WARS2: variants seen among roughly 807,000 people sequenced by gnomAD.
The protein encoded by WARS2 is tryptophanyl tRNA synthetase 2, mitochondrial, also known as tryptophan--tRNA ligase, mitochondrial.
In WARS2, 28 loss-of-function variants were observed where a neutral mutation model predicts 36.5. That is an observed-to-expected ratio of 0.77 (90% CI 0.57 to 1.05). WARS2 has a LOEUF of 1.05. WARS2 is among the 50% of genes least tolerant of loss of function. WARS2 has a pLI of 0.00. For missense variants in WARS2, 435 were observed against 456.8 expected (o/e 0.95, Z 0.44); for synonymous variants, 174 against 178.4 (o/e 0.98, Z 0.20).
chr1:119,092,426 A>G (rs1183866068), intron 1 of WARS2, among the ~76,000 whole-genome samples: 42 of 152,232 alleles, frequency 2.8e-4, no homozygotes, highest in Admixed American at 2.7e-3. Context: ...ATCAAATATT[A>G]TTTTAGTACT....
At chr1:119,120,967 T>A (rs1168463387) in intron 1 of WARS2, among the ~76,000 whole-genome samples, 2 of 152,026 alleles carry the variant, frequency 1.3e-5, no homozygotes, top group Non-Finnish European at 2.9e-5. Flanking sequence ...TGAAAGCATT[T>A]CCTCTGAGAA....
intron 1 of WARS2, among the ~76,000 whole-genome samples, chr1:119,092,459 C>A (rs1207354134): frequency 6.6e-6 from 1 of 152,136 alleles, no homozygotes; most frequent in East Asian, 1.9e-4. Flanking sequence ...TCTTACTTCC[C>A]ACGAGCAGCT....
At chr1:119,096,668 T>C (rs994652124) in intron 1 of WARS2, among the ~76,000 whole-genome samples, 4 of 152,176 alleles carry the variant, frequency 2.6e-5, no homozygotes, top group Non-Finnish European at 5.9e-5. Flanking sequence ...TTATTCTCTA[T>C]ACTACATTTT....
intron 3 of WARS2, among the ~76,000 whole-genome samples, chr1:119,042,759 G>A (rs1648478966): frequency 2.0e-5 from 3 of 152,194 alleles, no homozygotes; most frequent in South Asian, 2.1e-4. Flanking sequence ...TATACATGGA[G>A]ACTTTCCAAA....
At chr1:119,096,411 T>C (rs1194106330) in intron 1 of WARS2, among the ~76,000 whole-genome samples, 1 of 152,194 alleles carries the variant, frequency 6.6e-6, no homozygotes, top group African/African-American at 2.4e-5. Flanking sequence ...GCGAAATATT[T>C]ACCATATCCC....
chr1:119,140,608 A>G lies in WARS2; in HGVS notation c.37T>C (p.Trp13Arg), dbSNP rs139548132. 22 of 1,613,840 alleles carry G rather than the reference A, an allele frequency of 1.4e-5. No homozygotes were observed. The highest frequency in any genetic ancestry group is 4.5e-5 in the East Asian group (2 of 44,888). The change falls in exon 1 of 6, where the codon TGG (tryptophan) becomes CGG (arginine). Residue 13 changes from tryptophan (W) to arginine (R), a missense_variant. By Grantham distance (101) the Trp-to-Arg change is moderately radical. Transcript: ENST00000235521. ...LHSMRKARER[W>R]SFIRALHKGS... ...TTATGAAGTGCCCGGATGAAGCTCCAGCGCTCACGCGCTTTCCGCATTGAG... is the reference window on the plus strand; with the variant it reads ...TTATGAAGTGCCCGGATGAAGCTCCGGCGCTCACGCGCTTTCCGCATTGAG...
chr1:119,077,374 G>A (rs866937281), intron 1 of WARS2, among the ~76,000 whole-genome samples: 2 of 152,080 alleles, frequency 1.3e-5, no homozygotes, highest in Non-Finnish European at 2.9e-5. Flanking sequence ...GATTAAAGGG[G>A]CCTCAAGGGT....
intron 2 of WARS2, among the ~76,000 whole-genome samples, chr1:119,048,268 C>T (rs1649023419): frequency 6.6e-6 from 1 of 152,216 alleles, no homozygotes; most frequent in African/African-American, 2.4e-5. Context: ...AGTTCTGCCA[C>T]TTAGTCGCTG....
At chr1:119,082,193 T>C in intron 1 of WARS2, 1 of 898,046 alleles carries the variant, frequency 1.1e-6, no homozygotes, top group Non-Finnish European at 1.3e-6. Context: ...GCATAAATGA[T>C]AAGCACTTAA....
intron 2 of WARS2, among the ~76,000 whole-genome samples, chr1:119,056,384 C>T (rs1390490167): frequency 6.6e-6 from 1 of 151,114 alleles, no homozygotes; most frequent in Non-Finnish European, 1.5e-5. Flanking sequence ...GTTCCCTACA[C>T]TACACAATTC....
At chr1:119,130,353 C>T (rs1656011903) in intron 1 of WARS2, among the ~76,000 whole-genome samples, 1 of 152,126 alleles carries the variant, frequency 6.6e-6, no homozygotes, top group African/African-American at 2.4e-5. Flanking sequence ...CTACACTTTT[C>T]TATATACAGA....
chr1:119,070,532 G>T (rs967088712), intron 2 of WARS2, among the ~76,000 whole-genome samples: 1 of 152,046 alleles, frequency 6.6e-6, no homozygotes, highest in Non-Finnish European at 1.5e-5. Flanking sequence ...CTCCCAAAGT[G>T]CTGGTATTAC....
At chr1:119,054,068 ATAAT>A (rs1253607436) in intron 2 of WARS2, among the ~76,000 whole-genome samples, 6 of 150,760 alleles carry the variant, frequency 4.0e-5, no homozygotes, top group Admixed American at 3.3e-4. Flanking sequence ...AATAATAATA[ATAAT>A]TAAATAATAC....
intron 1 of WARS2, among the ~76,000 whole-genome samples, chr1:119,099,911 T>C (rs142669242): frequency 1.9e-3 from 285 of 152,254 alleles, no homozygotes; most frequent in African/African-American, 6.5e-3. Flanking sequence ...TATGACTAAG[T>C]CCTCAAATGC....
intron 1 of WARS2, among the ~76,000 whole-genome samples, chr1:119,078,126 G>T (rs1651884914): frequency 1.3e-5 from 2 of 152,166 alleles, no homozygotes. Flanking sequence ...GTGGAGTTGA[G>T]GTTTCAGGCC....
At chr1:119,134,972 C>A (rs1187692879) in intron 1 of WARS2, among the ~76,000 whole-genome samples, 1 of 151,698 alleles carries the variant, frequency 6.6e-6, no homozygotes, top group Non-Finnish European at 1.5e-5. Flanking sequence ...TCTTTGGGCA[C>A]AAAGATCAGC....
rs528258674 is a variant in WARS2 at position 119,050,585 on chromosome 1, T to C, written c.349-4923A>G. On this transcript the variant is annotated intron_variant, in intron 2 of 5. Coordinates refer to ENST00000235521, the MANE Select transcript of WARS2 (RefSeq NM_015836.4). Reference sequence around the variant, plus strand: ...GTAAACATTAGACATTTATAGACAATGTCTAAACATGTGGCATATGTATAT... The same window carrying C: ...GTAAACATTAGACATTTATAGACAACGTCTAAACATGTGGCATATGTATAT... Among the ~76,000 whole-genome samples the C allele has an allele frequency of 2.6e-5, 4 of 152,180 alleles. No homozygotes were observed. The South Asian group carries it at 6.2e-4, about 24-fold the overall frequency.
intron 1 of WARS2, among the ~76,000 whole-genome samples, chr1:119,088,074 T>C (rs1394021014): frequency 6.6e-6 from 1 of 152,222 alleles, no homozygotes. Flanking sequence ...GTGATTCTGA[T>C]GTATGCTAAA....
At chr1:119,077,137 C>CAA (rs59753812) in intron 1 of WARS2, among the ~76,000 whole-genome samples, 1 of 96,884 alleles carries the variant, frequency 1.0e-5, no homozygotes, top group Non-Finnish European at 2.0e-5. Context: ...GACCCCGTCT[C>CAA]AAAAAAAAAA....
Sources: gnomAD v4.1 joint callset for allele counts (sites outside exome capture counted in the v4.1 genomes callset) on GRCh38, gnomAD v4.1.1 for gene constraint, MANE v1.5 for transcripts, NCBI Gene and HGNC (gene_info 2026-07-23, HGNC 2026-07-21) for gene names.